The following ZNF385D variants were observed in gnomAD, a reference collection of about 807,000 sequenced individuals.
ZNF385D encodes zinc finger protein 659.
A neutral mutation model predicts 35.8 loss-of-function variants in ZNF385D; 15 were observed. The observed-to-expected ratio is 0.42, with a 90% CI of 0.28 to 0.64. The LOEUF is 0.64. Ranked by LOEUF, ZNF385D falls within the 30% of genes least tolerant of loss-of-function variation. The pLI is 0.23. For missense variants in ZNF385D, 474 were observed against 494.6 expected (o/e 0.96, Z 0.39); for synonymous variants, 212 against 186.8 (o/e 1.13, Z -1.10).
At chr3:22,170,039 C>T (rs1317675205) in intron 2 of ZNF385D, among the ~76,000 whole-genome samples, 1 of 152,054 alleles carries the variant, frequency 6.6e-6, no homozygotes. Context: ...ATAATAATAC[C>T]TCATTTCTAA....
intron 3 of ZNF385D, among the ~76,000 whole-genome samples, chr3:21,833,260 C>T (rs1420456360): frequency 6.6e-6 from 1 of 152,134 alleles, no homozygotes; most frequent in African/African-American, 2.4e-5. Flanking sequence ...ATGTATACAT[C>T]AGAGTCTCTG....
rs114764260 is a variant in ZNF385D, at chr3:21,670,699, C to T, written c.23-5671G>A. Among the ~76,000 whole-genome samples the T allele has an allele frequency of 9.6e-4, 110 of 114,694 alleles. 1 individual carries two copies. The highest frequency in any genetic ancestry group is 3.4e-3 in the African/African-American group (104 of 30,638). The allele number at this position is 114,694 out of a possible 152,430, so 75.2% of individuals were successfully genotyped here. A position where few individuals can be genotyped will look rare whatever the true frequency, so the allele number is the denominator to read the frequency against. On this transcript the variant is annotated intron_variant, in intron 1 of 7. Transcript: ENST00000281523. ...AATGACTGAACGAATCCCCTTTGGC[C>T]AAGGAGAACCCAAAGAAACCTTGAA...
intron 3 of ZNF385D, among the ~76,000 whole-genome samples, chr3:22,164,623 T>G (rs929386989): frequency 6.6e-6 from 1 of 151,402 alleles, no homozygotes; most frequent in African/African-American, 2.4e-5. Flanking sequence ...TTTTTTTTTT[T>G]GAGTGAAACC....
chr3:21,589,194 C>CTT (rs1471403124), intron 2 of ZNF385D, among the ~76,000 whole-genome samples: 1 of 152,062 alleles, frequency 6.6e-6, no homozygotes, highest in Non-Finnish European at 1.5e-5. Context: ...AAAAAAATGA[C>CTT]TTTAGAGAAA....
chr3:21,751,408 G>C (rs1327270848), upstream of ZNF385D: 4 of 1,012,890 alleles, frequency 3.9e-6, no homozygotes, highest in South Asian at 1.2e-4. Flanking sequence ...GATCCACACA[G>C]GAACACACAG....
At chr3:21,509,712 C>T (rs796173810) in intron 4 of ZNF385D, among the ~76,000 whole-genome samples, 13 of 152,136 alleles carry the variant, frequency 8.5e-5, no homozygotes, top group African/African-American at 2.4e-4. Flanking sequence ...TGCCAGCATA[C>T]AAAGATGAGA....
intron 4 of ZNF385D, among the ~76,000 whole-genome samples, chr3:21,443,586 C>T (rs547282151): frequency 6.6e-6 from 1 of 152,122 alleles, no homozygotes; most frequent in South Asian, 2.1e-4. Context: ...AGAAGTATTA[C>T]TAGAAAACAT....
At chr3:21,917,839 G>T (rs1343354307) in intron 3 of ZNF385D, among the ~76,000 whole-genome samples, 1 of 152,128 alleles carries the variant, frequency 6.6e-6, no homozygotes, top group Non-Finnish European at 1.5e-5. Context: ...ATCCATTGGT[G>T]TATGTTCAGT....
At chr3:21,825,994 C>T (rs1259224336) in intron 3 of ZNF385D, among the ~76,000 whole-genome samples, 1 of 152,168 alleles carries the variant, frequency 6.6e-6, no homozygotes, top group Admixed American at 6.5e-5. Flanking sequence ...AATCTAATGC[C>T]TGATGATTTG....
At chr3:22,077,129 T>C (rs1325149229) in intron 3 of ZNF385D, among the ~76,000 whole-genome samples, 1 of 151,932 alleles carries the variant, frequency 6.6e-6, no homozygotes, top group Non-Finnish European at 1.5e-5. Flanking sequence ...ATTAACAGTG[T>C]TAGTAAATGA....
chr3:21,800,117 CAGTACCA>C (rs2072329368), intron 3 of ZNF385D, among the ~76,000 whole-genome samples: 1 of 152,186 alleles, frequency 6.6e-6, no homozygotes, highest in African/African-American at 2.4e-5. Flanking sequence ...TAGCCTATGG[CAGTACCA>C]TACTGCTTTG....
At chr3:22,150,224 A>G (rs951063139) in intron 3 of ZNF385D, among the ~76,000 whole-genome samples, 13 of 152,308 alleles carry the variant, frequency 8.5e-5, no homozygotes, top group Middle Eastern at 6.8e-3. Flanking sequence ...CTTAATGTCC[A>G]TATTTCCAAC....
At chr3:21,560,121 G>A (rs1452669595) in intron 3 of ZNF385D, among the ~76,000 whole-genome samples, 3 of 152,106 alleles carry the variant, frequency 2.0e-5, no homozygotes, top group Non-Finnish European at 2.9e-5. Context: ...TTGGCTCAGA[G>A]GAGTTTGTTA....
At chr3:21,995,678 C>T (rs2125404146) in intron 3 of ZNF385D, among the ~76,000 whole-genome samples, 1 of 151,916 alleles carries the variant, frequency 6.6e-6, no homozygotes, top group African/African-American at 2.4e-5. Context: ...CATTCTCAAG[C>T]AGTGGCGGTT....
At chr3:22,277,520 T>G (rs1341402118) in intron 2 of ZNF385D, among the ~76,000 whole-genome samples, 1 of 152,100 alleles carries the variant, frequency 6.6e-6, no homozygotes, top group Admixed American at 6.6e-5. Context: ...CACATGCTGA[T>G]TAATGAATCA....
At chr3:22,016,847 G>T (rs1165317029) in intron 3 of ZNF385D, among the ~76,000 whole-genome samples, 1 of 151,900 alleles carries the variant, frequency 6.6e-6, no homozygotes, top group African/African-American at 2.4e-5. Context: ...GCCTCTATAA[G>T]TGGCAAATTG....
intron 3 of ZNF385D, among the ~76,000 whole-genome samples, chr3:21,514,265 A>G (rs1707418229): frequency 6.6e-6 from 1 of 152,180 alleles, no homozygotes; most frequent in South Asian, 2.1e-4. Context: ...TATTTTTCAC[A>G]GATATGACTT....
intron 2 of ZNF385D, among the ~76,000 whole-genome samples, chr3:21,613,674 A>G (rs1454633093): frequency 6.6e-6 from 1 of 152,208 alleles, no homozygotes; most frequent in East Asian, 1.9e-4. Flanking sequence ...AGCAGTAAAT[A>G]GGTACACTTG....
chr3:22,286,261 C>T (rs1286758445), intron 2 of ZNF385D, among the ~76,000 whole-genome samples: 2 of 151,886 alleles, frequency 1.3e-5, no homozygotes, highest in East Asian at 1.9e-4. Context: ...TACTAATATC[C>T]GCGCCCTCAT....
Sources: gnomAD v4.1 joint callset for allele counts (sites outside exome capture counted in the v4.1 genomes callset) on GRCh38, gnomAD v4.1.1 for gene constraint, MANE v1.5 for transcripts, NCBI Gene and HGNC (gene_info 2026-07-23, HGNC 2026-07-21) for gene names.